The following RPS6KA5 variants were observed in gnomAD, a reference collection of about 807,000 sequenced individuals.
RPS6KA5 encodes ribosomal protein S6 kinase A5.
A neutral mutation model predicts 85.5 loss-of-function variants in RPS6KA5; 27 were observed. The observed-to-expected ratio is 0.32, with a 90% CI of 0.23 to 0.44. The LOEUF is 0.44. RPS6KA5 is among the 20% of genes least tolerant of loss of function. RPS6KA5 has a pLI of 1.00. For missense variants in RPS6KA5, 811 were observed against 980.9 expected (o/e 0.83, Z 2.31); for synonymous variants, 334 against 348.2 (o/e 0.96, Z 0.46).
chr14:91,060,078 G>A, intron 1 of RPS6KA5: 1 of 985,402 alleles, frequency 1.0e-6, no homozygotes, highest in South Asian at 4.7e-5. Context: ...AGCGGTCGGC[G>A]GCTGCGCTGG....
chr14:90,914,672 G>A (rs1404866657), intron 7 of RPS6KA5, among the ~76,000 whole-genome samples: 1 of 152,098 alleles, frequency 6.6e-6, no homozygotes. Flanking sequence ...GAGTGCCTCA[G>A]AGCAATTAAT....
chr14:90,902,765 AG>A (rs775616461), intron 9 of RPS6KA5, 42 bp downstream of exon 9: 6 of 1,539,594 alleles, frequency 3.9e-6, no homozygotes, highest in Non-Finnish European at 5.3e-6. Flanking sequence ...TTTCTTTCAA[AG>A]GACATATGGC....
chr14:90,970,141 G>A (rs1295700647), intron 3 of RPS6KA5, among the ~76,000 whole-genome samples: 1 of 152,060 alleles, frequency 6.6e-6, no homozygotes, highest in Non-Finnish European at 1.5e-5. Context: ...TTTGGTTTTA[G>A]CTCAACATTC....
chr14:91,060,448 T>C lies in RPS6KA5; in HGVS notation c.-14A>G. On this transcript the variant is annotated 5_prime_UTR_variant, in exon 1 of 17. Transcript: ENST00000614987. ...CTCCTCCTCCATCTTCTCCTTTTTT[T>C]CCGATCCCGCGGGTCGCTACGAGGG... 2 of 1,449,118 alleles carry C rather than the reference T, an allele frequency of 1.4e-6. No individual in the cohort carries two copies. The highest frequency in any genetic ancestry group is 1.5e-5 in the African/African-American group (1 of 68,444). The allele number at this position is 1,449,118 out of a possible 1,614,324, so 89.8% of individuals were successfully genotyped here.
rs1950597710 is a variant in RPS6KA5 at position 90,849,514 on chromosome 14, T to C, written c.*22560A>G. 1 of 152,222 alleles carries C rather than the reference T, an allele frequency of 6.6e-6. No homozygotes were observed. Among genetic ancestry groups the C allele is most frequent in the Admixed American group, 6.5e-5 (1 of 15,274 alleles). The allele number at this position is 152,222 out of a possible 1,614,324, so 9.4% of individuals were successfully genotyped here. ...GCACTTGGTGGCTACATACGGCTAA[T>C]CGCTGCTAGTGTTTAGAGTCTGTGG... On this transcript the variant is annotated 3_prime_UTR_variant, in exon 17 of 17. Coordinates refer to ENST00000614987, the MANE Select transcript of RPS6KA5 (RefSeq NM_004755.4).
At chr14:90,889,914 A>C (rs952878811) in intron 14 of RPS6KA5, among the ~76,000 whole-genome samples, 7 of 152,220 alleles carry the variant, frequency 4.6e-5, no homozygotes, top group African/African-American at 1.7e-4. Context: ...CATGCATTAC[A>C]AATTATATGC....
At chr14:90,896,522 T>G (rs540177374) in intron 12 of RPS6KA5, among the ~76,000 whole-genome samples, 1 of 152,056 alleles carries the variant, frequency 6.6e-6, no homozygotes, top group Non-Finnish European at 1.5e-5. Flanking sequence ...ATTAAGGAGC[T>G]TGAGATGTGA....
chr14:91,005,961 G>A (rs912513627), intron 1 of RPS6KA5, among the ~76,000 whole-genome samples: 2 of 151,940 alleles, frequency 1.3e-5, no homozygotes, highest in Non-Finnish European at 2.9e-5. Flanking sequence ...AGATCAGACT[G>A]TGCCAGAAAC....
At chr14:90,920,088 A>G in intron 7 of RPS6KA5, 118 bp downstream of exon 7, 1 of 745,462 alleles carries the variant, frequency 1.3e-6, no homozygotes, top group South Asian at 1.5e-5. Flanking sequence ...TTTACCACAT[A>G]AACATCACTT....
chr14:90,943,401 G>A (rs2037694040), intron 4 of RPS6KA5, among the ~76,000 whole-genome samples: 1 of 151,834 alleles, frequency 6.6e-6, no homozygotes, highest in Non-Finnish European at 1.5e-5. Context: ...TTCTCCTTGT[G>A]CACAGGGTCT....
chr14:90,947,450 G>A lies in RPS6KA5; in HGVS notation c.495C>T (p.Leu165=), dbSNP rs56369401. The change falls in exon 4 of 17, where the codon CTC becomes CTT. Residue 165 remains leucine, a synonymous_variant. Coordinates refer to ENST00000614987, the MANE Select transcript of RPS6KA5 (RefSeq NM_004755.4). ...AGAGTCTTACCTTGTGGAGATGTTC[G>A]AGGGCAAGCACAATCTCTCCAACAT... is the stretch of plus-strand genomic sequence containing the variant. ...QIYVGEIVLA[L]EHLHKLGIIY... The A allele has an allele frequency of 2.0e-3, 3,267 of 1,602,942 alleles. 88 individuals are homozygous for A. The East Asian group carries it at 0.063, about 31-fold the overall frequency.
intron 2 of RPS6KA5, among the ~76,000 whole-genome samples, chr14:90,995,041 G>GT (rs1267756358): frequency 6.6e-6 from 1 of 152,008 alleles, no homozygotes. Context: ...CTTGTGTGTG[G>GT]TTTTTTGTTT....
chr14:90,936,779 T>A (rs563355374), intron 5 of RPS6KA5, among the ~76,000 whole-genome samples: 2 of 152,220 alleles, frequency 1.3e-5, no homozygotes, highest in Non-Finnish European at 2.9e-5. Context: ...ACATCAAACA[T>A]ACATAAAAAG....
intron 1 of RPS6KA5, among the ~76,000 whole-genome samples, chr14:91,003,200 G>A (rs1243262896): frequency 6.6e-6 from 1 of 151,818 alleles, no homozygotes; most frequent in East Asian, 1.9e-4. Flanking sequence ...ACTGAGATAT[G>A]TACAAGCCCA....
At chr14:90,894,354 G>A in intron 13 of RPS6KA5, 59 bp downstream of exon 13, 1 of 1,435,242 alleles carries the variant, frequency 7.0e-7, no homozygotes, top group Non-Finnish European at 9.2e-7. Context: ...CCCCATGTTT[G>A]GGAGATCTTT....
At chr14:90,978,832 C>A (rs1415722245) in intron 2 of RPS6KA5, among the ~76,000 whole-genome samples, 2 of 152,114 alleles carry the variant, frequency 1.3e-5, no homozygotes, top group Non-Finnish European at 2.9e-5. Context: ...CAACTAACCA[C>A]AATCCAATTC....
At chr14:90,910,055 C>T (rs986465500) in intron 7 of RPS6KA5, among the ~76,000 whole-genome samples, 14 of 151,908 alleles carry the variant, frequency 9.2e-5, no homozygotes, top group African/African-American at 2.4e-4. Context: ...GAATTACAGG[C>T]GTGAGCCACC....
chr14:90,890,747 G>T, intron 13 of RPS6KA5, 69 bp from the exon 14 acceptor site: 11 of 1,359,268 alleles, frequency 8.1e-6, no homozygotes, highest in Non-Finnish European at 1.1e-5. Context: ...TACTATTTAT[G>T]TAACACTTTG....
Position 90,863,894 on chromosome 14 carries a change from T to C in RPS6KA5, c.*8180A>G, listed in dbSNP as rs2032691178. The C allele has an allele frequency of 2.0e-5, 3 of 152,188 alleles. No individual in the cohort carries two copies. Among genetic ancestry groups the C allele is most frequent in the Non-Finnish European group, 2.9e-5 (2 of 68,034 alleles). The allele number at this position is 152,188 out of a possible 1,614,324, so 9.4% of individuals were successfully genotyped here. A position where few individuals can be genotyped will look rare whatever the true frequency, so the allele number is the denominator to read the frequency against. ...CAAAACTAACAAGGTGATTCTAAAA[T>C]GTATATGGAAATGCAAAGGATTAAG... On this transcript the variant is annotated 3_prime_UTR_variant, in exon 17 of 17. Transcript: ENST00000614987.
Sources: allele counts gnomAD v4.1 joint callset (sites outside exome capture counted in the v4.1 genomes callset), GRCh38; gene constraint gnomAD v4.1.1; transcripts MANE v1.5; gene names NCBI Gene and HGNC (gene_info 2026-07-23, HGNC 2026-07-21).